Variants in RIMKLA observed in about 807,000 individuals in gnomAD.
RIMKLA encodes ribosomal modification protein rimK like family member A.
In RIMKLA, 14 loss-of-function variants were observed where a neutral mutation model predicts 32.7. The ratio of observed to expected loss-of-function variants is 0.43; its 90% confidence interval spans 0.28 to 0.67. The LOEUF (loss-of-function observed/expected upper bound fraction) is 0.67, where lower values mean the gene tolerates loss of function less well. RIMKLA is among the 30% of genes least tolerant of loss of function. The pLI is 0.18. For synonymous variants in RIMKLA, 176 were observed against 204.1 expected (o/e 0.86, Z 1.18); for missense variants, 410 against 519.0 (o/e 0.79, Z 2.04).
rs1643302689 is a variant in RIMKLA at position 42,422,357 on chromosome 1, G to A, written c.*7383G>A. 1 of 152,240 alleles carries A rather than the reference G, an allele frequency of 6.6e-6. No individual in the cohort carries two copies. The highest frequency in any genetic ancestry group is 1.5e-5 in the Non-Finnish European group (1 of 68,046). 9.4% of individuals were successfully genotyped at this position (152,240 alleles called of 1,614,324 possible). On this transcript the variant is annotated 3_prime_UTR_variant, in exon 5 of 5. Coordinates refer to ENST00000431473, the MANE Select transcript of RIMKLA (RefSeq NM_173642.4). ...AGTTCACTGTCACCTGTGGGCAGTA[G>A]TTCAGCTAAATTCCCTCCAGGAAAG...
intron 1 of RIMKLA, among the ~76,000 whole-genome samples, chr1:42,393,813 C>A (rs1040398036): frequency 1.3e-5 from 2 of 152,142 alleles, no homozygotes; most frequent in African/African-American, 4.8e-5. Flanking sequence ...GACAAAGTCT[C>A]ACTCTTGTCC....
intron 2 of RIMKLA, among the ~76,000 whole-genome samples, chr1:42,401,601 C>T (rs1557755039): frequency 6.6e-6 from 1 of 151,986 alleles, no homozygotes; most frequent in African/African-American, 2.4e-5. Context: ...TAACATAATG[C>T]GACTTGTCAA....
In RIMKLA at chr1:42,414,528, T is replaced by C. The variant is rs749192577; in HGVS notation, c.730T>C (p.Leu244=). ...TCCGCTGACAGAACAAGGCAAGCAGTTGGCTATTCAGGTGTCCAACATCCT... is the reference window on the plus strand; with the variant it reads ...TCCGCTGACAGAACAAGGCAAGCAGCTGGCTATTCAGGTGTCCAACATCCT... ...KCPLTEQGKQ[L]AIQVSNILGM... is the part of the protein sequence containing the mutation. Residue 244 remains leucine (L), a synonymous_variant, in exon 5 of 5, where the codon TTG becomes CTG. Coordinates refer to ENST00000431473, the MANE Select transcript of RIMKLA (RefSeq NM_173642.4). 62 of 1,614,092 alleles carry C rather than the reference T, an allele frequency of 3.8e-5. No individual in the cohort carries two copies. The highest frequency in any genetic ancestry group is 5.0e-5 in the Non-Finnish European group (59 of 1,180,028).
In RIMKLA at chr1:42,418,594, G is replaced by A. The variant is rs1643270844; in HGVS notation, c.*3620G>A. The A allele has an allele frequency of 1.3e-5, 2 of 152,226 alleles. No individual in the cohort carries two copies. The highest frequency in any genetic ancestry group is 2.9e-5 in the Non-Finnish European group (2 of 68,044). 9.4% of individuals were successfully genotyped at this position (152,226 alleles called of 1,614,324 possible). A position where few individuals can be genotyped will look rare whatever the true frequency, so the allele number is the denominator to read the frequency against. ...GTTTTAATGAAAGAATCATGAATAT[G>A]TATTGATCAGAGGTAGATGTCTTTG... On this transcript the variant is annotated 3_prime_UTR_variant, in exon 5 of 5. Coordinates refer to ENST00000431473, the MANE Select transcript of RIMKLA (RefSeq NM_173642.4).
intron 1 of RIMKLA, among the ~76,000 whole-genome samples, chr1:42,382,993 G>A (rs1642902402): frequency 6.6e-6 from 1 of 151,474 alleles, no homozygotes; most frequent in Non-Finnish European, 1.5e-5. Flanking sequence ...GAGTAGCTGG[G>A]ATTACAGGCA....
At chr1:42,413,393 C>T (rs1241219574) in intron 4 of RIMKLA, among the ~76,000 whole-genome samples, 1 of 146,120 alleles carries the variant, frequency 6.8e-6, no homozygotes, top group Non-Finnish European at 1.5e-5. Context: ...CCCATCTACT[C>T]GGCAGGCTGA....
chr1:42,403,259 G>A (rs1020025212), intron 2 of RIMKLA, among the ~76,000 whole-genome samples: 2 of 152,134 alleles, frequency 1.3e-5, no homozygotes, highest in African/African-American at 4.8e-5. Context: ...AAGAGAATCA[G>A]GAAAAGAGGC....
rs886609584 is a variant in RIMKLA at position 42,399,406 on chromosome 1, C to T, written c.166C>T (p.Leu56Phe). 3 of 1,604,784 alleles carry T rather than the reference C, an allele frequency of 1.9e-6. No individual in the cohort carries two copies. The Admixed American group carries it at 5.1e-5, about 27-fold the overall frequency. Residue 56 changes from leucine (L) to phenylalanine (F), a missense_variant and splice_region_variant, in exon 2 of 5, where the codon CTC (leucine) becomes TTC (phenylalanine). Leu to Phe is a conservative substitution (Grantham distance 22, BLOSUM62 0). Transcript: ENST00000431473. ...TCACTGTTGTCCTTGAATTGCAGGC[C>T]TCCAGCTAAACCAGAAGGCCCTCAC... Reference protein sequence around the residue: ...AVTIVGGHLGLQLNQKALTTF... With the variant: ...AVTIVGGHLGFQLNQKALTTF...
intron 4 of RIMKLA, 40 bp downstream of exon 4, chr1:42,410,227 A>G: frequency 6.4e-7 from 1 of 1,559,902 alleles, no homozygotes; most frequent in Non-Finnish European, 8.8e-7. Context: ...GGGTATTTGG[A>G]CCCATTCAGC....
Position 42,417,204 on chromosome 1 carries a change from A to T in RIMKLA, c.*2230A>T, listed in dbSNP as rs1643255927. 1 of 152,344 alleles carries T rather than the reference A, an allele frequency of 6.6e-6. No individual in the cohort carries two copies. The highest frequency in any genetic ancestry group is 2.4e-5 in the African/African-American group (1 of 41,464). The allele number at this position is 152,344 out of a possible 1,614,324, so 9.4% of individuals were successfully genotyped here. A position where few individuals can be genotyped will look rare whatever the true frequency, so the allele number is the denominator to read the frequency against. ...CCCAGCCTGAGCAGAGCAGCTAGAG[A>T]GTGCTTCCAGATTCCTTTGCCAAAG... On this transcript the variant is annotated 3_prime_UTR_variant, in exon 5 of 5. Coordinates refer to ENST00000431473, the MANE Select transcript of RIMKLA (RefSeq NM_173642.4).
chr1:42,388,141 T>C (rs1642965991), intron 1 of RIMKLA, among the ~76,000 whole-genome samples: 1 of 152,054 alleles, frequency 6.6e-6, no homozygotes, highest in Non-Finnish European at 1.5e-5. Context: ...AGCAGATACA[T>C]AGGGCCTGGT....
chr1:42,403,178 T>C (rs560002156), intron 2 of RIMKLA, among the ~76,000 whole-genome samples: 3 of 137,552 alleles, frequency 2.2e-5, no homozygotes, highest in Admixed American at 7.4e-5. Flanking sequence ...CCTCCAGACT[T>C]ATCTGGAACT....
intron 3 of RIMKLA, among the ~76,000 whole-genome samples, chr1:42,405,596 T>C (rs916152293): frequency 1.3e-5 from 2 of 151,930 alleles, no homozygotes; most frequent in African/African-American, 4.8e-5. Flanking sequence ...GACTATGCAA[T>C]AGAAATGAAC....
At chr1:42,397,007 A>G (rs942768418) in intron 1 of RIMKLA, among the ~76,000 whole-genome samples, 3 of 146,230 alleles carry the variant, frequency 2.1e-5, no homozygotes, top group African/African-American at 7.7e-5. Context: ...TTTTTCAAAG[A>G]ACAGTAAAAG....
In RIMKLA at chr1:42,420,014, C is replaced by G. The variant is rs1190729098; in HGVS notation, c.*5040C>G. 6.6e-6 allele frequency: 1 copy of G among 152,300 alleles called. No homozygotes were observed. The highest frequency in any genetic ancestry group is 1.5e-5 in the Non-Finnish European group (1 of 68,094). The allele number at this position is 152,300 out of a possible 1,614,324, so 9.4% of individuals were successfully genotyped here. ...AGCAACAAGGTCAAAAGTTTCCCCC[C>G]ACTTTCTGTTCCACAGTGCGTTCCC... On this transcript the variant is annotated 3_prime_UTR_variant, in exon 5 of 5. Coordinates refer to ENST00000431473, the MANE Select transcript of RIMKLA (RefSeq NM_173642.4).
intron 2 of RIMKLA, among the ~76,000 whole-genome samples, chr1:42,402,000 G>T (rs150760632): frequency 2.6e-5 from 4 of 152,212 alleles, no homozygotes; most frequent in African/African-American, 9.6e-5. Context: ...AGGAAGGATG[G>T]CTAGAGAGAA....
In RIMKLA at chr1:42,413,501, CA is replaced by C. The variant is rs201462707; in HGVS notation, c.686-960del. On this transcript the variant is annotated intron_variant, in intron 4 of 4. Transcript: ENST00000431473. ...CCTAGGTGACAGAGTAAGAGTCTCT[CA>C]AAAAAAAAAAAAAAAAAAAAAAGAA... Among the ~76,000 whole-genome samples the C allele has an allele frequency of 3.3e-3, 410 of 125,404 alleles. 1 individual carries two copies. The highest frequency in any genetic ancestry group is 9.9e-3 in the African/African-American group (322 of 32,612). 82.3% of individuals were successfully genotyped at this position (125,404 alleles called of 152,430 possible). A position where few individuals can be genotyped will look rare whatever the true frequency, so the allele number is the denominator to read the frequency against.
intron 1 of RIMKLA, among the ~76,000 whole-genome samples, chr1:42,383,645 A>G (rs1642910555): frequency 6.6e-6 from 1 of 152,214 alleles, no homozygotes; most frequent in Admixed American, 6.5e-5. Context: ...TGATATTGAT[A>G]TTATTTACCA....
intron 1 of RIMKLA, among the ~76,000 whole-genome samples, chr1:42,389,152 T>C (rs1395883061): frequency 6.6e-6 from 1 of 152,136 alleles, no homozygotes; most frequent in Non-Finnish European, 1.5e-5. Context: ...TGTTATTTGC[T>C]GATATGGAAA....
Sources: gnomAD v4.1 joint callset for allele counts (sites outside exome capture counted in the v4.1 genomes callset) on GRCh38, gnomAD v4.1.1 for gene constraint, MANE v1.5 for transcripts, NCBI Gene and HGNC (gene_info 2026-07-23, HGNC 2026-07-21) for gene names.